Variants in DCHS1 observed in about 807,000 individuals in gnomAD.
The protein encoded by DCHS1 is protocadherin-16.
A neutral mutation model predicts 213.9 loss-of-function variants in DCHS1; 78 were observed. The ratio of observed to expected loss-of-function variants is 0.36; its 90% CI spans 0.30 to 0.44. DCHS1 has a LOEUF of 0.44. Ranked by LOEUF, DCHS1 falls within the 20% of genes least tolerant of loss-of-function variation. The probability of loss-of-function intolerance (pLI) is 1.00; values close to 1 mark genes in which losing one functional copy is unlikely to be tolerated. For missense variants in DCHS1, 3,946 were observed against 4,395.9 expected, an observed-to-expected ratio of 0.90 and a Z score of 2.89; for synonymous variants, 1,828 against 1,873.7, an observed-to-expected ratio of 0.98 and a Z score of 0.63.
chr11:6,649,381 A>C (rs1856212512), intron 1 of DCHS1, among the ~76,000 whole-genome samples: 1 of 151,902 alleles, frequency 6.6e-6, no homozygotes, highest in Admixed American at 6.6e-5. Flanking sequence ...CAGTGTGTGC[A>C]GGGTGGGTGA....
intron 1 of DCHS1, among the ~76,000 whole-genome samples, chr11:6,650,606 C>A (rs1856229339): frequency 6.6e-6 from 1 of 152,070 alleles, no homozygotes; most frequent in Non-Finnish European, 1.5e-5. Flanking sequence ...AGGACTGAGG[C>A]CAGGATGCCA....
chr11:6,628,969 G>A lies in DCHS1; in HGVS notation c.5162-139C>T, dbSNP rs1855857435. 4.6e-6 allele frequency: 4 copies of A among 869,986 alleles called. No homozygotes were observed. Among genetic ancestry groups the A allele is most frequent in the Non-Finnish European group, 7.3e-6 (4 of 545,450 alleles). The allele number at this position is 869,986 out of a possible 1,614,324, so 53.9% of individuals were successfully genotyped here. A position where few individuals can be genotyped will look rare whatever the true frequency, so the allele number is the denominator to read the frequency against. On this transcript the variant is annotated intron_variant, in intron 12 of 20. Coordinates refer to ENST00000299441, the MANE Select transcript of DCHS1 (RefSeq NM_003737.4). The surrounding 1 kb of genome is among the most constrained non-coding windows in gnomAD (Gnocchi z 4.3). ...CTCTCCATACCTCTCAGGCACACAT[G>A]TGTCATGCATACATAAACATACATG...
chr11:6,623,582 A>G lies in DCHS1; in HGVS notation c.8094T>C (p.Asp2698=). ...ALAPVTIEVQ[D]VNDHGPAFPL... ...GGAAGGCTGGGCCATGATCATTCACATCCTGGACCTCAATTGTCACTGGTG... is the reference window on the plus strand; with the variant it reads ...GGAAGGCTGGGCCATGATCATTCACGTCCTGGACCTCAATTGTCACTGGTG... Residue 2698 remains aspartate (D), a synonymous_variant, in exon 21 of 21, where the codon GAT becomes GAC. Coordinates refer to ENST00000299441, the MANE Select transcript of DCHS1 (RefSeq NM_003737.4). 1 of 1,613,736 alleles carries G rather than the reference A, an allele frequency of 6.2e-7. No individual in the cohort carries two copies. Among genetic ancestry groups the G allele is most frequent in the Non-Finnish European group, 8.5e-7 (1 of 1,179,850 alleles).
chr11:6,621,830 G>A lies in DCHS1; in HGVS notation c.9846C>T (p.Leu3282=). 1 of 1,608,972 alleles carries A rather than the reference G, an allele frequency of 6.2e-7. No homozygotes were observed. The highest frequency in any genetic ancestry group is 8.5e-7 in the Non-Finnish European group (1 of 1,177,968). The change falls in exon 21 of 21, where the codon CTC becomes CTT. Residue 3282 remains leucine, a synonymous_variant. Coordinates refer to ENST00000299441, the MANE Select transcript of DCHS1 (RefSeq NM_003737.4). ...GVAQGPSASA[L]SAESGLEPPD... ...GTGGCTCCAGGCCAGACTCTGCGCT[G>A]AGTGCTGAGGCTGAGGGACCCTGGG...
At chr11:6,651,578 G>C (rs77751408) in intron 1 of DCHS1, among the ~76,000 whole-genome samples, 2,334 of 152,322 alleles carry the variant, frequency 0.015, 63 homozygotes, top group African/African-American at 0.053. Flanking sequence ...CCAATGAAAA[G>C]AATGGATTGA....
In DCHS1 at chr11:6,631,391, G is replaced by A; in HGVS notation, c.3692C>T (p.Pro1231Leu). 1 of 1,613,988 alleles carries A rather than the reference G, an allele frequency of 6.2e-7. No individual in the cohort carries two copies. The highest frequency in any genetic ancestry group is 2.2e-5 in the East Asian group (1 of 44,886). The part of the protein sequence containing the change: ...GLPIQVPDRV[P>L]PGTLVTTLQA... ...CAGAGTCGTCACCAGTGTTCCCGGA[G>A]GCACGCGGTCTGGTACCTGTGGGAA... The change falls in exon 8 of 21, where the codon CCT (proline) becomes CTT (leucine). Residue 1231 changes from proline to leucine, a missense_variant. Transcript: ENST00000299441.
chr11:6,636,076 T>C (rs1286782069), intron 2 of DCHS1, among the ~76,000 whole-genome samples: 1 of 152,202 alleles, frequency 6.6e-6, no homozygotes, highest in African/African-American at 2.4e-5. Flanking sequence ...AGATGCACTA[T>C]TTCAAGGAGA....
At position 6,626,123 on chromosome 11, in the gene DCHS1, T is replaced by C. The variant is rs776641096; in HGVS notation, c.6576+46A>G. The C allele has an allele frequency of 6.3e-7, 1 of 1,595,668 alleles. No homozygotes were observed. The highest frequency in any genetic ancestry group is 1.8e-5 in the Admixed American group (1 of 57,128). The stretch of plus-strand genomic sequence containing the variant: ...GGACTGGTCTGGCCACAGACAAGTC[T>C]GACTAGCCCTGCTCCCCCGCCCAAT... On this transcript the variant is annotated intron_variant, in intron 16 of 20. Coordinates refer to ENST00000299441, the MANE Select transcript of DCHS1 (RefSeq NM_003737.4). The surrounding 1 kb of genome is among the most constrained non-coding windows in gnomAD (Gnocchi z 5.2).
At position 6,631,212 on chromosome 11, in the gene DCHS1, T is replaced by C; in HGVS notation, c.3773-2A>G. The C allele has an allele frequency of 6.2e-7, 1 of 1,611,744 alleles. No homozygotes were observed. Among genetic ancestry groups the C allele is most frequent in the Non-Finnish European group, 8.5e-7 (1 of 1,178,128 alleles). ...GAGAGAAAAGCTCTGAGCCAGGACCTGGGGACAGGCAGAGGAAGATGAGGG... is the reference window on the plus strand; with the variant it reads ...GAGAGAAAAGCTCTGAGCCAGGACCCGGGGACAGGCAGAGGAAGATGAGGG... On this transcript the variant is annotated splice_acceptor_variant, in intron 8 of 20. Transcript: ENST00000299441. LOFTEE classifies it high-confidence loss of function.
rs143172918 is a variant in DCHS1 at position 6,640,579 on chromosome 11, C to T, written c.1035G>A (p.Ser345=). Residue 345 remains serine (S), a synonymous_variant, in exon 2 of 21, where the codon TCG becomes TCA. Transcript: ENST00000299441. This position sits in a 1 kb window ranked among gnomAD's most constrained non-coding sequence, Gnocchi z 6.5. The part of the protein sequence containing the change: ...RDGGAHPELG[S]AFVTVHVRDA... ...CTCGCACATGCACAGTCACAAAGGC[C>T]GAGCCCAGCTCAGGGTGAGCCCCAC... is the stretch of plus-strand genomic sequence containing the variant. 29 of 1,608,486 alleles carry T rather than the reference C, an allele frequency of 1.8e-5. No individual in the cohort carries two copies. In the East Asian group the frequency reaches 3.8e-4, roughly 21 times the overall value.
Position 6,629,502 on chromosome 11 carries a change from G to C in DCHS1, c.5111C>G (p.Thr1704Arg). ...CTCTCGATCCAGGGCCCGAAGAGTCGTGAGAACACCAGTGTCAGGATCCAG... is the reference window on the plus strand; with the variant it reads ...CTCTCGATCCAGGGCCCGAAGAGTCCTGAGAACACCAGTGTCAGGATCCAG... ...FSLDPDTGVL[T>R]TLRALDREEQ... Residue 1704 changes from threonine (T) to arginine (R), a missense_variant, in exon 12 of 21, where the codon ACG becomes AGG. Physicochemically the swap from Thr to Arg is moderately conservative, Grantham distance 71. Around this residue, in one of 3 missense-constraint regions of DCHS1, gnomAD observed 3,384 missense variants for 3,780.1 expected, o/e 0.90. Coordinates refer to ENST00000299441, the MANE Select transcript of DCHS1 (RefSeq NM_003737.4). 3 of 1,613,204 alleles carry C rather than the reference G, an allele frequency of 1.9e-6. No homozygotes were observed. Among genetic ancestry groups the C allele is most frequent in the Non-Finnish European group, 2.5e-6 (3 of 1,179,574 alleles).
At chr11:6,624,502 G>C (rs1855761797) in intron 20 of DCHS1, 112 bp from the exon 21 acceptor site, 2 of 1,342,200 alleles carry the variant, frequency 1.5e-6, no homozygotes, top group Non-Finnish European at 2.0e-6. Context: ...TCAGGGAATG[G>C]CCTATCTGCT....
Position 6,626,283 on chromosome 11 carries a change from G to A in DCHS1, c.6462C>T (p.Phe2154=). Reference sequence around the variant, plus strand: ...CTTGCAGGGTCAGGGTCAGCACAGTGAAGGCAAAGGCTCCTCCACTCTCTG... The same window carrying A: ...CTTGCAGGGTCAGGGTCAGCACAGTAAAGGCAAAGGCTCCTCCACTCTCTG... The part of the protein sequence containing the change: ...LQAESGGAFA[F]TVLTLTLQDA... The change falls in exon 16 of 21, where the codon TTC becomes TTT. Residue 2154 remains phenylalanine, a synonymous_variant. Transcript: ENST00000299441. This position sits in a 1 kb window ranked among gnomAD's most constrained non-coding sequence, Gnocchi z 5.2. 6.2e-7 allele frequency: 1 copy of A among 1,613,294 alleles called. No individual in the cohort carries two copies.
chr11:6,634,204 G>T lies in DCHS1; in HGVS notation c.1900C>A (p.His634Asn), dbSNP rs990447939. 1 of 1,613,914 alleles carries T rather than the reference G, an allele frequency of 6.2e-7. No homozygotes were observed. The highest frequency in any genetic ancestry group is 8.5e-7 in the Non-Finnish European group (1 of 1,179,838). ...SGSPPFRIDAHSGDVCTTRTL... is the reference protein window; with the variant it reads ...SGSPPFRIDANSGDVCTTRTL... Reference sequence around the variant, plus strand: ...CGGGTTGTGCACACATCACCGCTGTGGGCATCAATGCGGAATGGGGGAGAT... The same window carrying T: ...CGGGTTGTGCACACATCACCGCTGTTGGCATCAATGCGGAATGGGGGAGAT... Residue 634 changes from histidine to asparagine, a missense_variant, in exon 3 of 21, where the codon CAC (histidine) becomes AAC (asparagine). By Grantham distance (68) the His-to-Asn change is moderately conservative (BLOSUM62 1). This residue lies in a region of DCHS1 where 3,384 missense variants were observed against 3,780.1 expected (regional missense o/e 0.90). Transcript: ENST00000299441.
chr11:6,655,730 T>C lies in DCHS1; in HGVS notation c.-288A>G, dbSNP rs1856307093. 9.2e-6 allele frequency: 9 copies of C among 978,742 alleles called. No individual in the cohort carries two copies. The highest frequency in any genetic ancestry group is 1.1e-5 in the Non-Finnish European group (9 of 827,670). 60.6% of individuals were successfully genotyped at this position (978,742 alleles called of 1,614,324 possible). On this transcript the variant is annotated 5_prime_UTR_variant, in exon 1 of 21. Transcript: ENST00000299441. ...GCAGCCGCCGTCGGTCCGCGCGCCC[T>C]TGGCCGTCGATCGGTCCGTCCGCTG...
intron 1 of DCHS1, among the ~76,000 whole-genome samples, chr11:6,642,460 T>C (rs1345564850): frequency 6.6e-6 from 1 of 152,220 alleles, no homozygotes; most frequent in Non-Finnish European, 1.5e-5. Context: ...GTCCGTGTTT[T>C]GCCTAGGAAG....
Position 6,621,859 on chromosome 11 carries a change from C to T in DCHS1, c.9817G>A (p.Val3273Met), listed in dbSNP as rs1224727022. The T allele has an allele frequency of 1.2e-6, 2 of 1,611,390 alleles. No individual in the cohort carries two copies. Among genetic ancestry groups the T allele is most frequent in the East Asian group, 2.2e-5 (1 of 44,832 alleles). The change falls in exon 21 of 21, where the codon GTG becomes ATG. Residue 3273 changes from valine (V) to methionine (M), a missense_variant. Val to Met is a conservative substitution (Grantham distance 21, BLOSUM62 1). Coordinates refer to ENST00000299441, the MANE Select transcript of DCHS1 (RefSeq NM_003737.4). ...GCTGAGGCTGAGGGACCCTGGGCCACCCCAAATGGTGAGACAACGGGTGAG... is the reference window on the plus strand; with the variant it reads ...GCTGAGGCTGAGGGACCCTGGGCCATCCCAAATGGTGAGACAACGGGTGAG... The part of the protein sequence containing the change: ...ARSPVVSPFG[V>M]AQGPSASALS...
rs139849372 is a variant in DCHS1 at position 6,631,397 on chromosome 11, C to A, written c.3686G>T (p.Arg1229Leu). 5 of 1,613,870 alleles carry A rather than the reference C, an allele frequency of 3.1e-6. No individual in the cohort carries two copies. Among genetic ancestry groups the A allele is most frequent in the Non-Finnish European group, 4.2e-6 (5 of 1,179,880 alleles). Residue 1229 changes from arginine (R) to leucine (L), a missense_variant, in exon 8 of 21, where the codon CGC becomes CTC. Physicochemically the swap from Arg to Leu is moderately radical, Grantham distance 102. Transcript: ENST00000299441. ...CGTCACCAGTGTTCCCGGAGGCACG[C>A]GGTCTGGTACCTGTGGGAACACAAC... ...GGGLPIQVPDRVPPGTLVTTL... is the reference protein window; with the variant it reads ...GGGLPIQVPDLVPPGTLVTTL...
Position 6,631,082 on chromosome 11 carries a change from G to C in DCHS1, c.3901C>G (p.Arg1301Gly). ...LSAHDQGSPP[R>G]SASLQLLVQV... ...ACCAGCAGCTGGAGGCTGGCACTTC[G>C]AGGAGGGCTGCCTTGGTCATGAGCA... Residue 1301 changes from arginine to glycine, a missense_variant, in exon 9 of 21, where the codon CGA (arginine) becomes GGA (glycine). Physicochemically the swap from Arg to Gly is moderately radical, Grantham distance 125. Coordinates refer to ENST00000299441, the MANE Select transcript of DCHS1 (RefSeq NM_003737.4). 1.2e-6 allele frequency: 2 copies of C among 1,611,682 alleles called. No homozygotes were observed. Among genetic ancestry groups the C allele is most frequent in the Non-Finnish European group, 1.7e-6 (2 of 1,178,322 alleles).
Sources: allele counts gnomAD v4.1 joint callset (sites outside exome capture counted in the v4.1 genomes callset), GRCh38; gene constraint gnomAD v4.1.1; regional missense constraint gnomAD v4.1.1; non-coding constraint Gnocchi (gnomAD v3.1); transcripts MANE v1.5; gene names NCBI Gene and HGNC (gene_info 2026-07-23, HGNC 2026-07-21).